NXPE2: variants seen among roughly 807,000 people sequenced by gnomAD.
NXPE2 encodes the protein NXPE family member 2.
Under a neutral mutation model 34.4 loss-of-function variants are expected in NXPE2, and 34 were observed. The observed-to-expected ratio is 0.99, with a 90% CI of 0.75 to 1.31. NXPE2 has a LOEUF of 1.31. Among genes scored for constraint, NXPE2 ranks in the 40% most tolerant of loss-of-function variants. NXPE2 has a pLI of 0.00. For missense variants in NXPE2, 649 were observed against 672.5 expected (o/e 0.97, Z 0.39); for synonymous variants, 235 against 231.3 (o/e 1.02, Z -0.15).
the NXPE2 span, among the ~76,000 whole-genome samples, chr11:114,751,391 T>C: frequency 8.1e-4 from 124 of 152,286 alleles, no homozygotes; most frequent in African/African-American, 2.9e-3. Context: ...TCAACAGACA[T>C]TTAGTGAGTT....
At chr11:114,799,291 C>CA in the NXPE2 span, among the ~76,000 whole-genome samples, 9,283 of 94,084 alleles carry the variant, frequency 0.099, 436 homozygotes, top group Admixed American at 0.16. Context: ...GGCAATGAAG[C>CA]AAAAAAAAAA....
At chr11:114,539,055 C>T in the NXPE2 span, among the ~76,000 whole-genome samples, 1 of 152,138 alleles carries the variant, frequency 6.6e-6, no homozygotes, top group African/African-American at 2.4e-5. Context: ...CAATGATAGA[C>T]TGGATTAAGA....
chr11:114,509,914 G>A, the NXPE2 span, among the ~76,000 whole-genome samples: 3 of 152,148 alleles, frequency 2.0e-5, no homozygotes, highest in Admixed American at 6.6e-5. Context: ...CATGTACCCC[G>A]AACTTAAAAT....
At chr11:114,537,728 T>C in the NXPE2 span, among the ~76,000 whole-genome samples, 117 of 151,980 alleles carry the variant, frequency 7.7e-4, no homozygotes, top group African/African-American at 2.7e-3. Context: ...TTACAAGGGA[T>C]GTGAAGGACC....
At chr11:114,567,703 G>A in the NXPE2 span, among the ~76,000 whole-genome samples, 3 of 151,876 alleles carry the variant, frequency 2.0e-5, no homozygotes, top group Admixed American at 2.0e-4. Flanking sequence ...TAAGGATTCA[G>A]CACAAACTGG....
intron 3 of NXPE2, 147 bp downstream of exon 3, chr11:114,698,925 T>C: frequency 1.2e-6 from 1 of 805,376 alleles, no homozygotes; most frequent in Non-Finnish European, 1.9e-6. Context: ...CAGCTTGGAG[T>C]GTGTTCACAG....
the NXPE2 span, among the ~76,000 whole-genome samples, chr11:114,631,491 G>A: frequency 4.4e-4 from 61 of 138,694 alleles, no homozygotes; most frequent in African/African-American, 1.6e-3. Flanking sequence ...CATGGACACA[G>A]GAAGGGGAAC....
chr11:114,630,161 GA>G, the NXPE2 span, among the ~76,000 whole-genome samples: 53 of 151,626 alleles, frequency 3.5e-4, 1 homozygote, highest in African/African-American at 8.3e-4. Context: ...CACAGAATTG[GA>G]AAAAAACTAC....
chr11:114,610,771 C>A, the NXPE2 span, among the ~76,000 whole-genome samples: 1 of 152,042 alleles, frequency 6.6e-6, no homozygotes, highest in East Asian at 1.9e-4. Context: ...TTGTCGGTAA[C>A]CACTGTTACC....
At chr11:114,790,188 G>A in the NXPE2 span, among the ~76,000 whole-genome samples, 5 of 152,180 alleles carry the variant, frequency 3.3e-5, no homozygotes, top group African/African-American at 1.2e-4. Context: ...GCTCAGCTAA[G>A]CAATAAGGAG....
the NXPE2 span, among the ~76,000 whole-genome samples, chr11:114,639,852 A>C: frequency 3.1e-5 from 3 of 97,192 alleles, no homozygotes; most frequent in African/African-American, 1.3e-4. Context: ...ATAAAATATA[A>C]TATATATTAT....
chr11:114,771,822 T>C, the NXPE2 span, among the ~76,000 whole-genome samples: 1 of 152,250 alleles, frequency 6.6e-6, no homozygotes. Context: ...ATAATCCTCT[T>C]CACACCATTC....
At chr11:114,586,519 G>A in the NXPE2 span, among the ~76,000 whole-genome samples, 2 of 152,166 alleles carry the variant, frequency 1.3e-5, no homozygotes, top group African/African-American at 4.8e-5. Flanking sequence ...AGACTCAGGG[G>A]ACAGGCTTGC....
the NXPE2 span, among the ~76,000 whole-genome samples, chr11:114,731,664 G>A: frequency 6.6e-6 from 1 of 152,174 alleles, no homozygotes; most frequent in East Asian, 1.9e-4. Context: ...TAACATTCAT[G>A]AGATGACAAA....
At chr11:114,790,039 A>G in the NXPE2 span, among the ~76,000 whole-genome samples, 1 of 152,148 alleles carries the variant, frequency 6.6e-6, no homozygotes, top group Non-Finnish European at 1.5e-5. Context: ...AAGCTCCTCA[A>G]CTTCCCCACC....
the NXPE2 span, among the ~76,000 whole-genome samples, chr11:114,648,687 C>T: frequency 6.6e-6 from 1 of 152,166 alleles, no homozygotes; most frequent in African/African-American, 2.4e-5. Context: ...CAAATGAAGA[C>T]AATGACAAGG....
chr11:114,560,192 A>G, the NXPE2 span, among the ~76,000 whole-genome samples: 2 of 152,124 alleles, frequency 1.3e-5, no homozygotes, highest in African/African-American at 4.8e-5. Flanking sequence ...CTGAAGTCTC[A>G]CGACAACTCC....
the NXPE2 span, among the ~76,000 whole-genome samples, chr11:114,636,569 G>C: frequency 6.6e-6 from 1 of 151,308 alleles, no homozygotes; most frequent in Non-Finnish European, 1.5e-5. Flanking sequence ...TGTCAATTTT[G>C]GATCTTTCCT....
chr11:114,513,213 G>A, the NXPE2 span: 3 of 538,308 alleles, frequency 5.6e-6, no homozygotes, highest in East Asian at 4.7e-5. Flanking sequence ...TCCAGCTGGT[G>A]CCTCCTGTAG....
Sources: allele counts gnomAD v4.1 joint callset (sites outside exome capture counted in the v4.1 genomes callset), GRCh38; gene constraint gnomAD v4.1.1; transcripts MANE v1.5; gene names NCBI Gene and HGNC (gene_info 2026-07-23, HGNC 2026-07-21).